The following WDR7 variants were observed in gnomAD, a reference collection of about 807,000 sequenced individuals.
WDR7 encodes WD repeat domain 7.
WDR7 carries 46 observed loss-of-function variants against 169.4 expected under a neutral mutation model. The observed-to-expected ratio is 0.27, with a 90% CI of 0.21 to 0.35. The LOEUF is 0.35. WDR7 is among the 10% of genes least tolerant of loss of function. The probability of loss-of-function intolerance (pLI) is 1.00; values close to 1 mark genes in which losing one functional copy is unlikely to be tolerated. For synonymous variants in WDR7, 612 were observed against 666.8 expected (o/e 0.92, Z 1.27); for missense variants, 1,534 against 1,859.3 (o/e 0.83, Z 3.22).
chr18:57,008,253 G>A (rs2048093283), intron 26 of WDR7, among the ~76,000 whole-genome samples: 3 of 151,990 alleles, frequency 2.0e-5, no homozygotes, highest in African/African-American at 7.3e-5. Flanking sequence ...CCATTTCTCT[G>A]CTACATTTGC....
In WDR7 at chr18:56,758,899, G is replaced by A; in HGVS notation, c.2794G>A (p.Ala932Thr). Residue 932 changes from alanine (A) to threonine (T), a missense_variant, in exon 16 of 28, where the codon GCA becomes ACA. Physicochemically the swap from Ala to Thr is moderately conservative, Grantham distance 58. Coordinates refer to ENST00000254442, the MANE Select transcript of WDR7 (RefSeq NM_015285.3). Reference protein sequence around the residue: ...PRPSTPDLSKARGSPPTSSNI... With the variant: ...PRPSTPDLSKTRGSPPTSSNI... ...ACCAAGCACCCCAGACCTTTCTAAG[G>A]CAAGGGGTTCCCCTCCAACTTCCAG... The A allele has an allele frequency of 6.2e-7, 1 of 1,612,988 alleles. No homozygotes were observed. The highest frequency in any genetic ancestry group is 8.5e-7 in the Non-Finnish European group (1 of 1,179,454).
At chr18:56,819,036 G>A (rs1345997784) in intron 20 of WDR7, among the ~76,000 whole-genome samples, 2 of 152,100 alleles carry the variant, frequency 1.3e-5, no homozygotes, top group African/African-American at 4.8e-5. Flanking sequence ...GAAACAGTCT[G>A]AGCAAGATAA....
chr18:56,823,180 G>A (rs990335134), intron 20 of WDR7, among the ~76,000 whole-genome samples: 1 of 152,146 alleles, frequency 6.6e-6, no homozygotes, highest in South Asian at 2.1e-4. Context: ...GTATGTTAAT[G>A]ACTGTCAATC....
intron 7 of WDR7, 137 bp from the exon 8 acceptor site, chr18:56,691,079 C>CA: frequency 7.9e-7 from 1 of 1,264,584 alleles, no homozygotes; most frequent in Non-Finnish European, 1.1e-6. Flanking sequence ...GGCTTATTGA[C>CA]AAACTTTCTT....
chr18:56,735,881 C>T (rs1383201266), intron 14 of WDR7, among the ~76,000 whole-genome samples: 1 of 152,022 alleles, frequency 6.6e-6, no homozygotes, highest in Non-Finnish European at 1.5e-5. Flanking sequence ...CATAGTTTGC[C>T]GACCCCTACA....
chr18:57,009,885 T>C (rs1331021736), intron 26 of WDR7: 2 of 985,322 alleles, frequency 2.0e-6, no homozygotes, highest in Admixed American at 1.2e-4. Flanking sequence ...GGAACACATG[T>C]GAAGATCCTG....
chr18:57,035,459 G>A, the WDR7 span: 1 of 152,424 alleles, frequency 6.6e-6, no homozygotes, highest in Non-Finnish European at 1.5e-5. Flanking sequence ...CAGAACTGAT[G>A]TGACAGAGGG....
chr18:56,682,730 G>A lies in WDR7; in HGVS notation c.397G>A (p.Gly133Arg). Reference protein sequence around the residue: ...NQREGRLLCHGHYPEILVVDA... With the variant: ...NQREGRLLCHRHYPEILVVDA... ...GCGAGAAGGAAGGCTTTTATGCCAC[G>A]GACATTACCCTGAAATCCTTGTTGT... The change falls in exon 5 of 28, where the codon GGA (glycine) becomes AGA (arginine). Residue 133 changes from glycine (G) to arginine (R), a missense_variant. Coordinates refer to ENST00000254442, the MANE Select transcript of WDR7 (RefSeq NM_015285.3). 1.2e-6 allele frequency: 2 copies of A among 1,613,720 alleles called. No individual in the cohort carries two copies. Among genetic ancestry groups the A allele is most frequent in the South Asian group, 1.1e-5 (1 of 91,056 alleles).
rs530240265 is a variant in WDR7, at chr18:56,928,066, G to C, written c.3713+3958G>C. ...GCATGCGAAAGAAAGGGGTAGGAAA[G>C]CGCAGGCATGCCAAACATCTGTGAA... On this transcript the variant is annotated intron_variant, in intron 22 of 27. Transcript: ENST00000254442. Among the ~76,000 whole-genome samples, 39 of 152,326 alleles carry C rather than the reference G, an allele frequency of 2.6e-4. 1 individual carries two copies. In the South Asian group the frequency reaches 8.1e-3, roughly 32 times the overall value.
At chr18:56,714,724 A>G (rs1340682719) in intron 12 of WDR7, among the ~76,000 whole-genome samples, 1 of 151,932 alleles carries the variant, frequency 6.6e-6, no homozygotes, top group Non-Finnish European at 1.5e-5. Flanking sequence ...TGGACCAAAC[A>G]GTTTTTTGTA....
intron 4 of WDR7, among the ~76,000 whole-genome samples, 198 bp from the exon 5 acceptor site, chr18:56,682,481 A>C (rs147503701): frequency 1.3e-5 from 2 of 152,318 alleles, no homozygotes; most frequent in East Asian, 3.9e-4. Context: ...AGCTATTTAA[A>C]AATTTTAATA....
intron 20 of WDR7, among the ~76,000 whole-genome samples, chr18:56,836,801 A>G (rs1285402268): frequency 2.0e-5 from 3 of 152,250 alleles, no homozygotes; most frequent in Non-Finnish European, 4.4e-5. Flanking sequence ...GGGAATTTTT[A>G]TATTGGCATA....
At chr18:56,877,026 A>T (rs745565668) in intron 20 of WDR7, among the ~76,000 whole-genome samples, 22 of 152,054 alleles carry the variant, frequency 1.4e-4, no homozygotes, top group Admixed American at 3.3e-4. Context: ...CTACAAAAAT[A>T]AAAATAAAAA....
intron 12 of WDR7, among the ~76,000 whole-genome samples, chr18:56,710,035 G>T (rs1455166963): frequency 7.7e-6 from 1 of 130,304 alleles, no homozygotes; most frequent in East Asian, 2.2e-4. Flanking sequence ...ATGGAGTCTC[G>T]CTCTGTCACC....
intron 26 of WDR7, among the ~76,000 whole-genome samples, chr18:57,014,078 C>A (rs2048173985): frequency 6.6e-6 from 1 of 152,156 alleles, no homozygotes; most frequent in African/African-American, 2.4e-5. Context: ...ATAATCCCAG[C>A]ACTTTGAGAG....
At chr18:56,860,491 TA>T (rs1282091171) in intron 20 of WDR7, among the ~76,000 whole-genome samples, 1 of 152,028 alleles carries the variant, frequency 6.6e-6, no homozygotes, top group East Asian at 1.9e-4. Flanking sequence ...CCTCTTCTAA[TA>T]AAAAAATCAA....
chr18:56,655,447 C>T lies in WDR7; in HGVS notation c.-20+3871C>T, dbSNP rs145439755. Among the ~76,000 whole-genome samples the T allele has an allele frequency of 3.7e-3, 555 of 151,868 alleles. 9 individuals carry two copies. Among genetic ancestry groups the T allele is most frequent in the South Asian group, 0.028 (136 of 4,806 alleles). ...TGAGACCAGCAACATGTCAAAACCC[C>T]GTCTCTGGCAAAAAATACGAAAATT... On this transcript the variant is annotated intron_variant, in intron 1 of 27. Transcript: ENST00000254442.
Position 56,955,669 on chromosome 18 carries a change from T to A in WDR7, c.4065-6761T>A, listed in dbSNP as rs900706539. 2.6e-5 allele frequency among the ~76,000 whole-genome samples: 4 copies of A among 152,124 alleles called. No homozygotes were observed. In the South Asian group the frequency reaches 6.2e-4, roughly 24 times the overall value. On this transcript the variant is annotated intron_variant, in intron 25 of 27. Transcript: ENST00000254442. The stretch of plus-strand genomic sequence containing the variant: ...AGATGCAGATGGATGATGATGATGA[T>A]GATGATGATGATGATGATGATGATA...
chr18:56,938,406 A>G lies in WDR7; in HGVS notation c.3832-127A>G, dbSNP rs2046987562. On this transcript the variant is annotated intron_variant, in intron 23 of 27. Coordinates refer to ENST00000254442, the MANE Select transcript of WDR7 (RefSeq NM_015285.3). ...AAGTATTGTTTTTGTAAACAAAAGT[A>G]TTTTCTGACTCACCCACAAGAAGTT... 5.8e-6 allele frequency: 7 copies of G among 1,209,200 alleles called. No individual in the cohort carries two copies. In the South Asian group the frequency reaches 1.1e-4, roughly 20 times the overall value. The allele number at this position is 1,209,200 out of a possible 1,614,324, so 74.9% of individuals were successfully genotyped here.
Sources: allele counts gnomAD v4.1 joint callset (sites outside exome capture counted in the v4.1 genomes callset), GRCh38; gene constraint gnomAD v4.1.1; transcripts MANE v1.5; gene names NCBI Gene and HGNC (gene_info 2026-07-23, HGNC 2026-07-21).